Variants in CTNNA3 observed in about 807,000 individuals in gnomAD.
The protein encoded by CTNNA3 is catenin alpha-3.
A neutral mutation model predicts 95.7 loss-of-function variants in CTNNA3; 76 were observed. That is an observed-to-expected ratio of 0.79 (90% CI 0.66 to 0.96). The LOEUF (loss-of-function observed/expected upper bound fraction) is 0.96. Ranked by LOEUF, CTNNA3 falls within the 40% of genes least tolerant of loss-of-function variation. CTNNA3 has a pLI of 0.00. For missense variants in CTNNA3, 1,191 were observed against 1,089.8 expected, an observed-to-expected ratio of 1.09 and a Z score of -1.31; for synonymous variants, 431 against 374.4, an observed-to-expected ratio of 1.15 and a Z score of -1.74.
At chr10:66,990,724 T>TTCATGTAGATTA (rs1419853106) in intron 7 of CTNNA3, among the ~76,000 whole-genome samples, 1 of 152,168 alleles carries the variant, frequency 6.6e-6, no homozygotes, top group African/African-American at 2.4e-5. Context: ...CCTGTTGAGA[T>TTCATGTAGATTA]TCATGTAGAT....
At position 66,543,277 on chromosome 10, in the gene CTNNA3, GA is replaced by G. The variant is rs373460928; in HGVS notation, c.1375-22505del. Among the ~76,000 whole-genome samples, 466 of 152,062 alleles carry G rather than the reference GA, an allele frequency of 3.1e-3. 3 individuals are homozygous for G. Among genetic ancestry groups the G allele is most frequent in the Non-Finnish European group, 4.6e-3 (310 of 67,982 alleles). ...CCGGCTAATTTTTGTATTTTTAGAA[GA>G]GACAGGTTTCACCATCTTGGCCAGG... On this transcript the variant is annotated intron_variant, in intron 10 of 17. Transcript: ENST00000433211.
At chr10:66,836,819 A>C (rs1029711463) in intron 7 of CTNNA3, among the ~76,000 whole-genome samples, 1 of 152,176 alleles carries the variant, frequency 6.6e-6, no homozygotes, top group African/African-American at 2.4e-5. Flanking sequence ...ACTATTCTGC[A>C]TAAAATTCTA....
At chr10:66,979,831 G>A (rs988611898) in intron 7 of CTNNA3, among the ~76,000 whole-genome samples, 4 of 152,108 alleles carry the variant, frequency 2.6e-5, no homozygotes, top group African/African-American at 9.7e-5. Context: ...TGAAAGAACT[G>A]ACATTTCCTG....
chr10:67,729,241 A>G (rs1458524764), intron 1 of CTNNA3, among the ~76,000 whole-genome samples: 1 of 152,144 alleles, frequency 6.6e-6, no homozygotes, highest in Non-Finnish European at 1.5e-5. Context: ...AAGCCTGTTC[A>G]TAGGAGAATC....
intron 13 of CTNNA3, among the ~76,000 whole-genome samples, chr10:66,169,040 C>G (rs1318678333): frequency 6.6e-6 from 1 of 152,088 alleles, no homozygotes; most frequent in Non-Finnish European, 1.5e-5. Flanking sequence ...TTCTCATGTA[C>G]CAATTAATTG....
intron 9 of CTNNA3, among the ~76,000 whole-genome samples, chr10:66,752,573 AT>A (rs1839190143): frequency 6.6e-6 from 1 of 152,140 alleles, no homozygotes; most frequent in South Asian, 2.1e-4. Flanking sequence ...AGTAAATTTA[AT>A]AAGTTTGATT....
intron 7 of CTNNA3, among the ~76,000 whole-genome samples, chr10:67,087,321 G>A (rs1201290509): frequency 2.0e-5 from 3 of 151,982 alleles, no homozygotes; most frequent in Non-Finnish European, 4.4e-5. Flanking sequence ...TGGAGATCAT[G>A]AGCAGTGCTT....
intron 3 of CTNNA3, among the ~76,000 whole-genome samples, chr10:67,543,982 C>T (rs1417771150): frequency 6.6e-6 from 1 of 152,096 alleles, no homozygotes; most frequent in African/African-American, 2.4e-5. Flanking sequence ...ATGTTCAAGA[C>T]AGTTTGACTA....
intron 5 of CTNNA3, among the ~76,000 whole-genome samples, chr10:67,247,912 C>T (rs904537495): frequency 2.6e-5 from 4 of 152,142 alleles, no homozygotes; most frequent in African/African-American, 9.7e-5. Context: ...GTGTTACAAT[C>T]ATAAAGACAG....
At chr10:66,252,351 T>A (rs2090593664) in intron 13 of CTNNA3, among the ~76,000 whole-genome samples, 1 of 152,244 alleles carries the variant, frequency 6.6e-6, no homozygotes, top group Non-Finnish European at 1.5e-5. Flanking sequence ...TTAAAATAAT[T>A]ACTTTTAATC....
intron 11 of CTNNA3, among the ~76,000 whole-genome samples, chr10:66,397,980 C>T (rs1357871031): frequency 1.3e-5 from 2 of 151,780 alleles, no homozygotes; most frequent in East Asian, 1.9e-4. Flanking sequence ...TTGCTGACAA[C>T]AGCTATTAAG....
At chr10:66,410,759 G>T (rs2132594284) in intron 11 of CTNNA3, among the ~76,000 whole-genome samples, 1 of 152,232 alleles carries the variant, frequency 6.6e-6, no homozygotes, top group African/African-American at 2.4e-5. Context: ...CCCATTACCA[G>T]ACACAAGGCT....
intron 12 of CTNNA3, among the ~76,000 whole-genome samples, chr10:66,300,792 T>A (rs550536001): frequency 3.0e-4 from 45 of 151,658 alleles, no homozygotes; most frequent in African/African-American, 9.7e-4. Context: ...GCAAATAAAA[T>A]TCAAACTAAG....
chr10:67,632,420 G>A lies in CTNNA3; in HGVS notation c.99+14995C>T, dbSNP rs150654482. Among the ~76,000 whole-genome samples, 198 of 152,180 alleles carry A rather than the reference G, an allele frequency of 1.3e-3. 1 individual carries two copies. The Middle Eastern group carries it at 0.031, about 24-fold the overall frequency. Reference sequence around the variant, plus strand: ...CCAAGATGGACAATTAGAAGCAGCTGCGGTCTGCGCACTCAGAGAGGAAGG... The same window carrying A: ...CCAAGATGGACAATTAGAAGCAGCTACGGTCTGCGCACTCAGAGAGGAAGG... On this transcript the variant is annotated intron_variant, in intron 2 of 17. Coordinates refer to ENST00000433211, the MANE Select transcript of CTNNA3 (RefSeq NM_013266.4).
intron 3 of CTNNA3, among the ~76,000 whole-genome samples, chr10:67,560,899 G>A (rs377278176): frequency 9.9e-5 from 15 of 152,154 alleles, no homozygotes; most frequent in East Asian, 3.9e-4. Flanking sequence ...GAAGGCCATT[G>A]CATAATGGTA....
chr10:67,034,651 C>T (rs1853931826), intron 7 of CTNNA3, among the ~76,000 whole-genome samples: 1 of 152,182 alleles, frequency 6.6e-6, no homozygotes, highest in South Asian at 2.1e-4. Flanking sequence ...GTGTTCTGTT[C>T]TCCTTACACC....
chr10:65,998,384 A>G (rs943946788), intron 15 of CTNNA3, among the ~76,000 whole-genome samples: 1 of 152,096 alleles, frequency 6.6e-6, no homozygotes, highest in African/African-American at 2.4e-5. Context: ...CTTTTTTGAA[A>G]AAAAATAAAC....
chr10:66,735,522 T>G (rs1002779316), intron 9 of CTNNA3, among the ~76,000 whole-genome samples: 1 of 151,974 alleles, frequency 6.6e-6, no homozygotes, highest in Non-Finnish European at 1.5e-5. Context: ...TAAAAAGTTA[T>G]TCTTAATATA....
At chr10:67,635,763 G>T (rs182776259) in intron 2 of CTNNA3, among the ~76,000 whole-genome samples, 94 of 152,194 alleles carry the variant, frequency 6.2e-4, no homozygotes, top group Non-Finnish European at 9.4e-4. Flanking sequence ...ACAAGACAAG[G>T]ATGCCCTCTC....
Sources: gnomAD v4.1 joint callset for allele counts (sites outside exome capture counted in the v4.1 genomes callset) on GRCh38, gnomAD v4.1.1 for gene constraint, MANE v1.5 for transcripts, NCBI Gene and HGNC (gene_info 2026-07-23, HGNC 2026-07-21) for gene names.